The following NBAS variants were observed in gnomAD, a reference collection of about 807,000 sequenced individuals.
The protein encoded by NBAS is NBAS subunit of NRZ tethering complex.
A neutral mutation model predicts 302.5 loss-of-function variants in NBAS; 219 were observed. That is an observed-to-expected ratio of 0.72 (90% CI 0.65 to 0.81). The LOEUF is 0.81. Ranked by LOEUF, NBAS falls within the 30% of genes least tolerant of loss-of-function variation. The pLI is 0.00. For synonymous variants in NBAS, 1,118 were observed against 1,021.6 expected (o/e 1.09, Z -1.80); for missense variants, 2,932 against 2,841.6 (o/e 1.03, Z -0.72).
At chr2:14,870,821 TAACAGAAGTTTG>T in the NBAS span, among the ~76,000 whole-genome samples, 1 of 152,024 alleles carries the variant, frequency 6.6e-6, no homozygotes, top group Non-Finnish European at 1.5e-5. Context: ...ATTACACAGA[TAACAGAAGTTTG>T]TAAACAAAGA....
At chr2:15,013,011 C>T in the NBAS span, among the ~76,000 whole-genome samples, 36 of 152,210 alleles carry the variant, frequency 2.4e-4, no homozygotes, top group African/African-American at 8.2e-4. Context: ...GCATCCGCCA[C>T]CATGCCCAGC....
intron 28 of NBAS, among the ~76,000 whole-genome samples, chr2:15,388,540 T>C (rs1675425592): frequency 7.0e-6 from 1 of 143,758 alleles, no homozygotes; most frequent in South Asian, 2.3e-4. Context: ...GACAGAAATA[T>C]ACACAGTACA....
the NBAS span, among the ~76,000 whole-genome samples, chr2:14,797,242 A>G: frequency 1.5e-4 from 23 of 152,250 alleles, 1 homozygote; most frequent in African/African-American, 5.3e-4. Flanking sequence ...TCACTCAGTA[A>G]AACTCTTCTC....
the NBAS span, among the ~76,000 whole-genome samples, chr2:14,818,443 C>T: frequency 1.3e-5 from 2 of 152,148 alleles, no homozygotes; most frequent in Non-Finnish European, 2.9e-5. Context: ...TTGCAGAACA[C>T]AGATTCAAGG....
chr2:15,461,238 A>C lies in NBAS; in HGVS notation c.2302T>G (p.Ser768Ala). ...AILSNFPETT[S>A]PHEYSVLLPE... ...AGCAAAACAGAATATTCATGTGGAG[A>C]AGTGGTCTCTGGAAAGTTGGACAGA... The change falls in exon 21 of 52, where the codon TCT (serine) becomes GCT (alanine). Residue 768 changes from serine to alanine, a missense_variant. Transcript: ENST00000281513. The C allele has an allele frequency of 6.2e-7, 1 of 1,613,910 alleles. No individual in the cohort carries two copies. The highest frequency in any genetic ancestry group is 1.1e-5 in the South Asian group (1 of 91,082).
the NBAS span, among the ~76,000 whole-genome samples, chr2:14,799,909 C>T: frequency 6.6e-6 from 1 of 152,088 alleles, no homozygotes; most frequent in Non-Finnish European, 1.5e-5. Flanking sequence ...TATGGATTAT[C>T]TTTTACCATT....
the NBAS span, among the ~76,000 whole-genome samples, chr2:14,869,512 A>G: frequency 2.0e-5 from 3 of 152,092 alleles, no homozygotes; most frequent in Admixed American, 6.5e-5. Flanking sequence ...GTTTTAATTT[A>G]TCAAAGTTTT....
chr2:15,436,247 A>T (rs1473861667), intron 21 of NBAS, among the ~76,000 whole-genome samples: 1 of 152,264 alleles, frequency 6.6e-6, no homozygotes, highest in African/African-American at 2.4e-5. Flanking sequence ...GGAAGACTAC[A>T]TAGCTAAGAC....
chr2:15,145,751 C>T, the NBAS span, among the ~76,000 whole-genome samples: 3 of 152,068 alleles, frequency 2.0e-5, no homozygotes, highest in Non-Finnish European at 4.4e-5. Flanking sequence ...CCAGTAGCCT[C>T]GGCAGCACCT....
chr2:15,285,633 C>T (rs748515548), intron 42 of NBAS, among the ~76,000 whole-genome samples: 4 of 152,122 alleles, frequency 2.6e-5, no homozygotes, highest in African/African-American at 9.7e-5. Flanking sequence ...GTATGGATAA[C>T]TTCCTGATTC....
the NBAS span, among the ~76,000 whole-genome samples, chr2:15,129,045 T>G: frequency 1.3e-5 from 2 of 152,204 alleles, no homozygotes; most frequent in Admixed American, 6.5e-5. Context: ...GGGCCCTGCC[T>G]CCTCTGCCTC....
intron 47 of NBAS, among the ~76,000 whole-genome samples, chr2:15,222,015 G>A (rs1666968959): frequency 2.6e-5 from 4 of 152,194 alleles, no homozygotes. Flanking sequence ...TCCCTTATTC[G>A]TATATTGGAG....
the NBAS span, among the ~76,000 whole-genome samples, chr2:15,152,323 C>T: frequency 6.6e-6 from 1 of 152,208 alleles, no homozygotes; most frequent in Non-Finnish European, 1.5e-5. Flanking sequence ...GTCAATCTCT[C>T]AAAATTGAGA....
the NBAS span, among the ~76,000 whole-genome samples, chr2:15,152,910 A>G: frequency 1.3e-5 from 2 of 152,238 alleles, no homozygotes; most frequent in Non-Finnish European, 1.5e-5. Context: ...TTCTCCTCCA[A>G]TAAGAATATT....
At chr2:15,540,637 C>T (rs536494657) in intron 6 of NBAS, among the ~76,000 whole-genome samples, 4 of 152,232 alleles carry the variant, frequency 2.6e-5, no homozygotes, top group African/African-American at 9.6e-5. Flanking sequence ...TTGCCTTCTA[C>T]CACTTCCTCT....
In NBAS at chr2:15,508,587, C is replaced by T. The variant is rs1272079454; in HGVS notation, c.885+2625G>A. Among the ~76,000 whole-genome samples, 6 of 152,146 alleles carry T rather than the reference C, an allele frequency of 3.9e-5. No individual in the cohort carries two copies. In the East Asian group the frequency reaches 9.6e-4, roughly 24 times the overall value. ...GATTGTACAATGAAACACGAGTATA[C>T]CTCTCACCTAGCTAGACCAGTTATT... is the stretch of plus-strand genomic sequence containing the variant. On this transcript the variant is annotated intron_variant, in intron 10 of 51. Transcript: ENST00000281513.
intron 42 of NBAS, among the ~76,000 whole-genome samples, chr2:15,283,051 C>T (rs1020213879): frequency 2.6e-5 from 4 of 152,006 alleles, no homozygotes; most frequent in East Asian, 1.9e-4. Flanking sequence ...GTCAGGGTGA[C>T]GGGGGAGGGT....
chr2:15,254,025 A>G (rs1426741876), intron 44 of NBAS, among the ~76,000 whole-genome samples: 1 of 152,190 alleles, frequency 6.6e-6, no homozygotes, highest in Non-Finnish European at 1.5e-5. Flanking sequence ...TTCTCCTAAG[A>G]TGTAGACATA....
chr2:15,379,196 C>T (rs1572749251), intron 30 of NBAS, among the ~76,000 whole-genome samples: 1 of 146,364 alleles, frequency 6.8e-6, no homozygotes, highest in South Asian at 2.2e-4. Context: ...GTCTCTCTCT[C>T]TTTTTTTTTT....
Sources: gnomAD v4.1 joint callset for allele counts (sites outside exome capture counted in the v4.1 genomes callset) on GRCh38, gnomAD v4.1.1 for gene constraint, MANE v1.5 for transcripts, NCBI Gene and HGNC (gene_info 2026-07-23, HGNC 2026-07-21) for gene names.